SPMIP4: variants seen among roughly 807,000 people sequenced by gnomAD.
The protein encoded by SPMIP4 is sperm microtubule inner protein 4, also known as sperm-associated microtubule inner protein 4.
At chr7:25,167,624 T>C in the SPMIP4 span, among the ~76,000 whole-genome samples, 7 of 152,228 alleles carry the variant, frequency 4.6e-5, no homozygotes, top group Non-Finnish European at 1.0e-4. Flanking sequence ...TTGTCTGCCT[T>C]AATTTATTTC....
At chr7:25,156,679 G>A in the SPMIP4 span, among the ~76,000 whole-genome samples, 2 of 152,196 alleles carry the variant, frequency 1.3e-5, no homozygotes, top group African/African-American at 4.8e-5. Flanking sequence ...GTTTCTGGGA[G>A]TTATTATTAC....
At chr7:25,134,302 A>C in the SPMIP4 span, among the ~76,000 whole-genome samples, 2 of 151,044 alleles carry the variant, frequency 1.3e-5, no homozygotes, top group African/African-American at 4.9e-5. Context: ...CACACACACA[A>C]AAGAACCAGT....
At chr7:25,130,786 T>G in the SPMIP4 span, among the ~76,000 whole-genome samples, 7 of 152,360 alleles carry the variant, frequency 4.6e-5, no homozygotes, top group African/African-American at 1.7e-4. Flanking sequence ...AAACTATAAA[T>G]TCCTCCCGTA....
At chr7:25,175,470 G>C in the SPMIP4 span, among the ~76,000 whole-genome samples, 2 of 152,136 alleles carry the variant, frequency 1.3e-5, no homozygotes, top group South Asian at 4.1e-4. Context: ...AAAAAAGTAG[G>C]CTGATGTGAG....
At chr7:25,136,318 T>C in the SPMIP4 span, 4 of 1,614,186 alleles carry the variant, frequency 2.5e-6, no homozygotes, top group East Asian at 4.5e-5. This position sits in a 1 kb window ranked among gnomAD's most constrained non-coding sequence, Gnocchi z 5.7. Context: ...TGGACACATA[T>C]TATACTGATC....
At chr7:25,135,854 C>G in the SPMIP4 span, 1 of 1,425,740 alleles carries the variant, frequency 7.0e-7, no homozygotes, top group Non-Finnish European at 9.2e-7. Flanking sequence ...ATGTAAACCT[C>G]ACTAACAAGG....
chr7:25,136,253 C>G, the SPMIP4 span: 41 of 1,614,114 alleles, frequency 2.5e-5, no homozygotes, highest in Non-Finnish European at 3.1e-5. This position sits in a 1 kb window ranked among gnomAD's most constrained non-coding sequence, Gnocchi z 5.7. Flanking sequence ...AAAGTGAAAG[C>G]TTCCGTGTCT....
the SPMIP4 span, among the ~76,000 whole-genome samples, chr7:25,178,480 A>T: frequency 2.0e-5 from 3 of 152,236 alleles, no homozygotes. Context: ...AATTTACACA[A>T]GTATAAGCAG....
chr7:25,131,781 C>T, the SPMIP4 span, among the ~76,000 whole-genome samples: 1 of 152,184 alleles, frequency 6.6e-6, no homozygotes, highest in Non-Finnish European at 1.5e-5. The surrounding 1 kb of genome is among the most constrained non-coding windows in gnomAD (Gnocchi z 4.2). Context: ...CCATGGAACC[C>T]AGTGACTAGT....
At chr7:25,178,019 C>A in the SPMIP4 span, among the ~76,000 whole-genome samples, 8 of 152,144 alleles carry the variant, frequency 5.3e-5, no homozygotes, top group Non-Finnish European at 8.8e-5. Flanking sequence ...TCCATGTGTA[C>A]TCAATGTTTA....
At chr7:25,141,594 A>C in the SPMIP4 span, among the ~76,000 whole-genome samples, 35 of 131,052 alleles carry the variant, frequency 2.7e-4, 1 homozygote, top group South Asian at 6.3e-3. Flanking sequence ...AAAAAAAAAA[A>C]AAGCAAAGAT....
the SPMIP4 span, among the ~76,000 whole-genome samples, chr7:25,169,484 C>G: frequency 6.6e-6 from 1 of 152,258 alleles, no homozygotes; most frequent in Admixed American, 6.5e-5. Context: ...AACACGTGGC[C>G]TTTTGTGATG....
chr7:25,155,275 G>T, the SPMIP4 span: 2 of 1,289,136 alleles, frequency 1.6e-6, no homozygotes, highest in Non-Finnish European at 2.1e-6. Flanking sequence ...AAAATTTATT[G>T]GGACCCTTTT....
chr7:25,155,892 T>C, the SPMIP4 span, among the ~76,000 whole-genome samples: 2 of 151,960 alleles, frequency 1.3e-5, no homozygotes, highest in Non-Finnish European at 2.9e-5. Flanking sequence ...GTCCATGGGA[T>C]AGAGAAATGT....
At chr7:25,131,977 A>C in the SPMIP4 span, among the ~76,000 whole-genome samples, 1 of 152,176 alleles carries the variant, frequency 6.6e-6, no homozygotes, top group Non-Finnish European at 1.5e-5. The surrounding 1 kb of genome is among the most constrained non-coding windows in gnomAD (Gnocchi z 4.2). Context: ...GGTGGACGGC[A>C]AGTGAAAGCT....
At chr7:25,138,672 C>T in the SPMIP4 span, among the ~76,000 whole-genome samples, 23 of 152,320 alleles carry the variant, frequency 1.5e-4, no homozygotes, top group African/African-American at 5.1e-4. The surrounding 1 kb of genome is among the most constrained non-coding windows in gnomAD (Gnocchi z 6.2). Context: ...AACCCTCATA[C>T]ATTTCTGGTT....
the SPMIP4 span, among the ~76,000 whole-genome samples, chr7:25,162,836 A>T: frequency 6.6e-6 from 1 of 152,010 alleles, no homozygotes; most frequent in Non-Finnish European, 1.5e-5. Flanking sequence ...CAATGGCGTG[A>T]TCTCAGCTCA....
chr7:25,141,784 C>A, the SPMIP4 span, among the ~76,000 whole-genome samples: 1 of 151,906 alleles, frequency 6.6e-6, no homozygotes, highest in East Asian at 1.9e-4. Flanking sequence ...GTCGTCTAGG[C>A]TGGAGCGCAG....
At chr7:25,139,089 G>T in the SPMIP4 span, among the ~76,000 whole-genome samples, 1 of 152,140 alleles carries the variant, frequency 6.6e-6, no homozygotes. Context: ...GGTTACAAAG[G>T]TGTGTTTGTT....
Sources: gnomAD v4.1 joint callset for allele counts (sites outside exome capture counted in the v4.1 genomes callset) on GRCh38, gnomAD v4.1.1 for gene constraint, Gnocchi (gnomAD v3.1) non-coding constraint, MANE v1.5 for transcripts, NCBI Gene and HGNC (gene_info 2026-07-23, HGNC 2026-07-21) for gene names.